NARS2: variants seen among roughly 807,000 people sequenced by gnomAD.
NARS2 encodes asparaginyl-tRNA synthetase.
A neutral mutation model predicts 62.9 loss-of-function variants in NARS2; 60 were observed. The ratio of observed to expected loss-of-function variants is 0.95; its 90% confidence interval spans 0.77 to 1.18. NARS2 has a LOEUF of 1.18. Ranked by LOEUF, NARS2 falls within the 50% of genes most tolerant of loss-of-function variation. The pLI, the probability that NARS2 is intolerant of heterozygous loss-of-function variation, is 0.00. For missense variants in NARS2, 619 were observed against 576.4 expected (o/e 1.07, Z -0.76); for synonymous variants, 196 against 200.0 (o/e 0.98, Z 0.17).
At chr11:78,449,198 C>T (rs111826773) in intron 11 of NARS2, among the ~76,000 whole-genome samples, 6,565 of 138,524 alleles carry the variant, frequency 0.047, 476 homozygotes, top group African/African-American at 0.17. Flanking sequence ...TGCAGTGGTG[C>T]GATCTCGGCT....
At chr11:78,533,976 A>G (rs1861574013) in intron 5 of NARS2, among the ~76,000 whole-genome samples, 1 of 152,112 alleles carries the variant, frequency 6.6e-6, no homozygotes, top group African/African-American at 2.4e-5. Context: ...TCATAGCTTG[A>G]TAGCTCATTT....
intron 4 of NARS2, among the ~76,000 whole-genome samples, chr11:78,564,123 C>G (rs914668022): frequency 6.6e-6 from 1 of 151,840 alleles, no homozygotes; most frequent in African/African-American, 2.4e-5. Context: ...TGGTCTTGAA[C>G]TCCTGAACTC....
At position 78,532,665 on chromosome 11, in the gene NARS2, T is replaced by C. The variant is rs60092033; in HGVS notation, c.595-3729A>G. The stretch of plus-strand genomic sequence containing the variant: ...CTTATTTTTCTTGCCCTGTAAAACG[T>C]TGTGAAAGATTAAATGGTGCCCCTT... On this transcript the variant is annotated intron_variant, in intron 5 of 13. Transcript: ENST00000281038. Among the ~76,000 whole-genome samples, 772 of 152,320 alleles carry C rather than the reference T, an allele frequency of 5.1e-3. 10 individuals are homozygous for C. Among genetic ancestry groups the C allele is most frequent in the African/African-American group, 0.018 (731 of 41,578 alleles).
At chr11:78,483,113 A>G (rs1859428492) in intron 7 of NARS2, among the ~76,000 whole-genome samples, 1 of 152,220 alleles carries the variant, frequency 6.6e-6, no homozygotes, top group African/African-American at 2.4e-5. Flanking sequence ...TTAATCCATC[A>G]CATAAACAGA....
At chr11:78,447,096 GC>G (rs1480263520) in intron 11 of NARS2, among the ~76,000 whole-genome samples, 4 of 149,428 alleles carry the variant, frequency 2.7e-5, no homozygotes, top group Non-Finnish European at 5.9e-5. Flanking sequence ...AAGAAAAAAT[GC>G]TCAAAATCAC....
chr11:78,446,183 C>T (rs182089030), intron 11 of NARS2, among the ~76,000 whole-genome samples: 22 of 152,266 alleles, frequency 1.4e-4, no homozygotes, highest in Non-Finnish European at 2.9e-4. Context: ...TAAGCCATCC[C>T]CTTCCCAGTT....
intron 6 of NARS2, among the ~76,000 whole-genome samples, chr11:78,524,295 A>C (rs185926920): frequency 8.1e-4 from 124 of 152,214 alleles, no homozygotes; most frequent in Middle Eastern, 6.8e-3. Context: ...GCTTCTCTGC[A>C]GAGTTGTCAG....
chr11:78,567,903 G>C (rs1459055537), intron 3 of NARS2, among the ~76,000 whole-genome samples: 1 of 152,110 alleles, frequency 6.6e-6, no homozygotes, highest in Non-Finnish European at 1.5e-5. Context: ...ATAATGTTAA[G>C]CAAATCACTT....
intron 11 of NARS2, among the ~76,000 whole-genome samples, chr11:78,448,319 C>T (rs1463128425): frequency 2.1e-5 from 3 of 141,014 alleles, no homozygotes; most frequent in Admixed American, 7.1e-5. Flanking sequence ...GTAGTAATCA[C>T]TTTTTTTTTT....
chr11:78,510,088 T>C (rs943800673), intron 6 of NARS2, among the ~76,000 whole-genome samples: 9 of 151,944 alleles, frequency 5.9e-5, no homozygotes, highest in Non-Finnish European at 1.3e-4. Flanking sequence ...AGCTATAAAG[T>C]ATATAGAAAA....
intron 7 of NARS2, among the ~76,000 whole-genome samples, chr11:78,491,780 C>T (rs1714694541): frequency 6.6e-6 from 1 of 152,166 alleles, no homozygotes; most frequent in African/African-American, 2.4e-5. Context: ...CCACACATCT[C>T]TGCCTTAGAG....
At chr11:78,545,740 G>C (rs560509308) in intron 5 of NARS2, among the ~76,000 whole-genome samples, 1 of 151,878 alleles carries the variant, frequency 6.6e-6, no homozygotes, top group East Asian at 1.9e-4. Flanking sequence ...TGTCGTATTG[G>C]CCAGGCTGGT....
At chr11:78,497,403 T>C (rs1860107056) in intron 6 of NARS2, among the ~76,000 whole-genome samples, 1 of 152,160 alleles carries the variant, frequency 6.6e-6, no homozygotes, top group South Asian at 2.1e-4. Flanking sequence ...TCTTAACATT[T>C]TGAAAGAACA....
intron 13 of NARS2, among the ~76,000 whole-genome samples, chr11:78,440,679 C>T (rs1857549362): frequency 6.6e-6 from 1 of 151,364 alleles, no homozygotes; most frequent in African/African-American, 2.4e-5. Flanking sequence ...ATTACAGGTG[C>T]CTGCCACCAT....
At chr11:78,571,515 C>G in intron 1 of NARS2, 71 bp from the exon 2 acceptor site, 1 of 1,055,072 alleles carries the variant, frequency 9.5e-7, no homozygotes, top group Non-Finnish European at 1.4e-6. Flanking sequence ...CACACACAGA[C>G]TAAATGAAAG....
intron 13 of NARS2, among the ~76,000 whole-genome samples, chr11:78,440,603 G>A (rs1857547240): frequency 6.6e-6 from 1 of 151,862 alleles, no homozygotes; most frequent in African/African-American, 2.4e-5. Flanking sequence ...CGTGATCTCA[G>A]CTCACTGCAA....
At chr11:78,501,547 A>G (rs1189941494) in intron 6 of NARS2, among the ~76,000 whole-genome samples, 1 of 152,178 alleles carries the variant, frequency 6.6e-6, no homozygotes, top group Non-Finnish European at 1.5e-5. Flanking sequence ...AAAGTCTAAG[A>G]AGGGTCCTGG....
At chr11:78,571,674 T>C (rs1467834291) in intron 1 of NARS2, 3 of 413,134 alleles carry the variant, frequency 7.3e-6, no homozygotes, top group Non-Finnish European at 8.9e-6. Context: ...ACATTTCGAA[T>C]GGATGCCTAA....
intron 6 of NARS2, among the ~76,000 whole-genome samples, chr11:78,512,340 T>A (rs971499679): frequency 6.6e-6 from 1 of 152,222 alleles, no homozygotes; most frequent in Non-Finnish European, 1.5e-5. Flanking sequence ...ACCTGCCAGC[T>A]ATTTCTTCCT....
Sources: gnomAD v4.1 joint callset for allele counts (sites outside exome capture counted in the v4.1 genomes callset) on GRCh38, gnomAD v4.1.1 for gene constraint, MANE v1.5 for transcripts, NCBI Gene and HGNC (gene_info 2026-07-23, HGNC 2026-07-21) for gene names.